DSC2: variants seen among roughly 807,000 people sequenced by gnomAD.
DSC2 encodes desmocollin 2.
Under a neutral mutation model 87.6 loss-of-function variants are expected in DSC2, and 51 were observed. The observed-to-expected ratio is 0.58, with a 90% CI of 0.46 to 0.74. The LOEUF (loss-of-function observed/expected upper bound fraction) is 0.74, where lower values mean the gene tolerates loss of function less well. Ranked by LOEUF, DSC2 falls within the 30% of genes least tolerant of loss-of-function variation. DSC2 has a pLI of 0.00. For missense variants in DSC2, 1,066 were observed against 1,089.5 expected (o/e 0.98, Z 0.30); for synonymous variants, 383 against 393.2 (o/e 0.97, Z 0.31).
intron 11 of DSC2, among the ~76,000 whole-genome samples, chr18:31,078,264 A>C (rs192099994): frequency 6.6e-6 from 1 of 152,348 alleles, no homozygotes; most frequent in East Asian, 1.9e-4. Context: ...CACAAAGTAA[A>C]CACATGTGGA....
At position 31,074,845 on chromosome 18, in the gene DSC2, ATG is replaced by A. The variant is rs1179043642; in HGVS notation, c.1724_1725del (p.Pro575LeufsTer4). 1 of 1,614,000 alleles carries A rather than the reference ATG, an allele frequency of 6.2e-7. No homozygotes were observed. The highest frequency in any genetic ancestry group is 2.2e-5 in the East Asian group (1 of 44,818). On this transcript the variant is annotated frameshift_variant, in exon 12 of 16. Coordinates refer to ENST00000280904, the MANE Select transcript of DSC2 (RefSeq NM_024422.6). LOFTEE classifies it high-confidence loss of function. ...IILQDVNDNS[P>X]FIPKKTVIIC... ...ATGATCACTGTCTTTTTAGGTATGA[ATG>A]GGCTGTTATCATTCACGTCTTGAAG...
Position 31,067,740 on chromosome 18 carries a change from A to G in DSC2, c.*275T>C. 1 of 392,334 alleles carries G rather than the reference A, an allele frequency of 2.5e-6. No individual in the cohort carries two copies. The highest frequency in any genetic ancestry group is 4.7e-6 in the Non-Finnish European group (1 of 214,858). 24.3% of individuals were successfully genotyped at this position (392,334 alleles called of 1,614,324 possible). A position where few individuals can be genotyped will look rare whatever the true frequency, so the allele number is the denominator to read the frequency against. ...ATTGCACTATAAATTGGCTGTTGTC[A>G]TTATACCCAAATGTAACAAATAAGG... is the stretch of plus-strand genomic sequence containing the variant. On this transcript the variant is annotated 3_prime_UTR_variant, in exon 16 of 16. Coordinates refer to ENST00000280904, the MANE Select transcript of DSC2 (RefSeq NM_024422.6).
chr18:31,071,503 A>G, intron 13 of DSC2, 102 bp downstream of exon 13: 4 of 1,000,554 alleles, frequency 4.0e-6, no homozygotes, highest in East Asian at 2.4e-5. Context: ...CGGAGATCAC[A>G]CTACTGCACT....
rs137955341 is a variant in DSC2, at chr18:31,098,249, C to T, written c.69+3654G>A. 3.9e-5 allele frequency among the ~76,000 whole-genome samples: 6 copies of T among 152,142 alleles called. No homozygotes were observed. In the East Asian group the frequency reaches 5.8e-4, roughly 15 times the overall value. On this transcript the variant is annotated intron_variant, in intron 1 of 15. Transcript: ENST00000280904. ...TCCAAATTTATATAACAATTTATTACGTTTTCTTCTATTATCTGTAGGGAA... is the reference window on the plus strand; with the variant it reads ...TCCAAATTTATATAACAATTTATTATGTTTTCTTCTATTATCTGTAGGGAA...
At chr18:31,084,975 T>A (rs374430059) in intron 7 of DSC2, among the ~76,000 whole-genome samples, 4 of 152,102 alleles carry the variant, frequency 2.6e-5, no homozygotes, top group Admixed American at 2.6e-4. Context: ...ATGCACAATA[T>A]AGAATGATGT....
In DSC2 at chr18:31,072,002, T is replaced by A. The variant is rs186201750; in HGVS notation, c.1889-161A>T. On this transcript the variant is annotated intron_variant, in intron 12 of 15. Transcript: ENST00000280904. ...TTCTAAATGTGAATGGCTAGAGTAGTTCTAATCTATACCCATTGCAAACAT... is the reference window on the plus strand; with the variant it reads ...TTCTAAATGTGAATGGCTAGAGTAGATCTAATCTATACCCATTGCAAACAT... 3.9e-5 allele frequency among the ~76,000 whole-genome samples: 6 copies of A among 152,360 alleles called. No individual in the cohort carries two copies. The East Asian group carries it at 1.2e-3, about 29-fold the overall frequency.
At chr18:31,098,332 G>A (rs1219722858) in intron 1 of DSC2, among the ~76,000 whole-genome samples, 1 of 152,100 alleles carries the variant, frequency 6.6e-6, no homozygotes, top group Admixed American at 6.5e-5. Context: ...TCTGAATGAA[G>A]CATAGATTCA....
At chr18:31,068,482 A>G in intron 15 of DSC2, 2 of 931,746 alleles carry the variant, frequency 2.1e-6, no homozygotes, top group Non-Finnish European at 3.4e-6. Flanking sequence ...TTCCCTTTCA[A>G]AATTTTAGCT....
At chr18:31,092,068 A>G in intron 3 of DSC2, 33 bp downstream of exon 3, 1 of 1,578,882 alleles carries the variant, frequency 6.3e-7, no homozygotes, top group Non-Finnish European at 8.7e-7. Context: ...TGAAGAAAAG[A>G]TATCATTTCT....
chr18:31,101,574 A>T, intron 1 of DSC2: 2 of 290,680 alleles, frequency 6.9e-6, no homozygotes, highest in Non-Finnish European at 1.2e-5. Context: ...ACCCCGGCGC[A>T]CTCCCGCCCC....
chr18:31,069,726 A>AG (rs1335979205), intron 14 of DSC2, among the ~76,000 whole-genome samples: 7 of 152,080 alleles, frequency 4.6e-5, no homozygotes, highest in Admixed American at 4.6e-4. Context: ...AAAAAAAAAA[A>AG]AAAAAGCCTC....
intron 11 of DSC2, among the ~76,000 whole-genome samples, chr18:31,077,587 A>G (rs10084050): frequency 0.062 from 9,460 of 152,268 alleles, 418 homozygotes; most frequent in Non-Finnish European, 0.087. Context: ...AAGACCTCAG[A>G]TATCTAATCC....
Position 31,067,723 on chromosome 18 carries a change from A to G in DSC2, c.*292T>C. The stretch of plus-strand genomic sequence containing the variant: ...TGAATTAATTACATTTTATTGCACT[A>G]TAAATTGGCTGTTGTCATTATACCC... On this transcript the variant is annotated 3_prime_UTR_variant, in exon 16 of 16. Transcript: ENST00000280904. 1 of 348,272 alleles carries G rather than the reference A, an allele frequency of 2.9e-6. No individual in the cohort carries two copies. Among genetic ancestry groups the G allele is most frequent in the South Asian group, 3.1e-5 (1 of 31,898 alleles). The allele number at this position is 348,272 out of a possible 1,614,324, so 21.6% of individuals were successfully genotyped here. A position where few individuals can be genotyped will look rare whatever the true frequency, so the allele number is the denominator to read the frequency against.
intron 1 of DSC2, among the ~76,000 whole-genome samples, chr18:31,094,736 G>A (rs1987710335): frequency 6.6e-6 from 1 of 152,090 alleles, no homozygotes; most frequent in Admixed American, 6.6e-5. Flanking sequence ...ACATTTGAAG[G>A]ATCAAATAAG....
chr18:31,064,693 A>G lies in DSC2; in HGVS notation c.*3322T>C, dbSNP rs1197605337. ...ATATAAGAGCTGTAGGTTTATACGG[A>G]TATCAGGTAACTTCTTAGGGCTTTG... On this transcript the variant is annotated 3_prime_UTR_variant, in exon 16 of 16. Coordinates refer to ENST00000280904, the MANE Select transcript of DSC2 (RefSeq NM_024422.6). The G allele has an allele frequency of 6.6e-6, 1 of 152,138 alleles. No individual in the cohort carries two copies. Among genetic ancestry groups the G allele is most frequent in the Non-Finnish European group, 1.5e-5 (1 of 68,040 alleles). The allele number at this position is 152,138 out of a possible 1,614,324, so 9.4% of individuals were successfully genotyped here. A position where few individuals can be genotyped will look rare whatever the true frequency, so the allele number is the denominator to read the frequency against.
At chr18:31,085,574 A>G (rs1394080196) in intron 7 of DSC2, among the ~76,000 whole-genome samples, 1 of 151,904 alleles carries the variant, frequency 6.6e-6, no homozygotes, top group African/African-American at 2.4e-5. Context: ...GATTTTCAAC[A>G]ATATTTAACA....
Position 31,089,534 on chromosome 18 carries a change from C to A in DSC2, c.535G>T (p.Asp179Tyr). 1 of 1,613,932 alleles carries A rather than the reference C, an allele frequency of 6.2e-7. No individual in the cohort carries two copies. The highest frequency in any genetic ancestry group is 1.1e-5 in the South Asian group (1 of 91,062). The change falls in exon 5 of 16, where the codon GAC (aspartate) becomes TAC (tyrosine). Residue 179 changes from aspartate to tyrosine, a missense_variant. Coordinates refer to ENST00000280904, the MANE Select transcript of DSC2 (RefSeq NM_024422.6). The part of the protein sequence containing the change: ...IYYSIRGPGV[D>Y]QEPRNLFYVE... ...TAAAATAAATTCCGAGGTTCTTGGT[C>A]AACTCCAGGACCTCTTATGGAATAG... is the stretch of plus-strand genomic sequence containing the variant.
At position 31,066,020 on chromosome 18, in the gene DSC2, A is replaced by T. The variant is rs1240884356; in HGVS notation, c.*1995T>A. The T allele has an allele frequency of 6.6e-6, 1 of 152,134 alleles. No homozygotes were observed. The highest frequency in any genetic ancestry group is 1.5e-5 in the Non-Finnish European group (1 of 68,008). The allele number at this position is 152,134 out of a possible 1,614,324, so 9.4% of individuals were successfully genotyped here. ...ATTATCAGGAGTGCCTTTTAGGTGG[A>T]CCGCTCTGTATGACTCTCATGCTTC... On this transcript the variant is annotated 3_prime_UTR_variant, in exon 16 of 16. Transcript: ENST00000280904.
At chr18:31,089,644 C>G (rs371897208) in intron 4 of DSC2, 50 bp from the exon 5 acceptor site, 2 of 1,547,680 alleles carry the variant, frequency 1.3e-6, no homozygotes, top group South Asian at 1.1e-5. Flanking sequence ...TTCAGCAGAG[C>G]TTTCATCTAT....
Sources: gnomAD v4.1 joint callset for allele counts (sites outside exome capture counted in the v4.1 genomes callset) on GRCh38, gnomAD v4.1.1 for gene constraint, MANE v1.5 for transcripts, NCBI Gene and HGNC (gene_info 2026-07-23, HGNC 2026-07-21) for gene names.